ZBTB25: variants seen among roughly 807,000 people sequenced by gnomAD.
ZBTB25 encodes the protein zinc finger and BTB domain containing 25, also known as zinc finger and BTB domain-containing protein 25.
A neutral mutation model predicts 34.2 loss-of-function variants in ZBTB25; 20 were observed. The observed-to-expected ratio is 0.58, with a 90% CI of 0.41 to 0.85. The LOEUF (loss-of-function observed/expected upper bound fraction) is 0.85. Among genes scored for constraint, ZBTB25 ranks in the 40% least tolerant of loss-of-function variants. The pLI, the probability that ZBTB25 is intolerant of heterozygous loss-of-function variation, is 0.00. For missense variants in ZBTB25, 437 were observed against 521.8 expected (o/e 0.84, Z 1.58); for synonymous variants, 175 against 186.4 (o/e 0.94, Z 0.50).
Position 64,490,490 on chromosome 14 carries a change from T to G in ZBTB25, c.44A>C (p.Asn15Thr). Residue 15 changes from asparagine to threonine, a missense_variant, in exon 2 of 3, where the codon AAC becomes ACC. Physicochemically the swap from Asn to Thr is moderately conservative, Grantham distance 65. Coordinates refer to ENST00000608382, the MANE Select transcript of ZBTB25 (RefSeq NM_006977.5). ...CAGAAAACCAAATTCTCGCTGCATGTTCAGCTGCTGGAGAAGAACAAGGCT... is the reference window on the plus strand; with the variant it reads ...CAGAAAACCAAATTCTCGCTGCATGGTCAGCTGCTGGAGAAGAACAAGGCT... ...SHSLVLLQQL[N>T]MQREFGFLCD... The G allele has an allele frequency of 1.9e-6, 3 of 1,613,878 alleles. No individual in the cohort carries two copies. The highest frequency in any genetic ancestry group is 2.5e-6 in the Non-Finnish European group (3 of 1,179,824).
chr14:64,458,960 A>C (rs1379864753), intron 2 of ZBTB25, among the ~76,000 whole-genome samples: 1 of 152,252 alleles, frequency 6.6e-6, no homozygotes, highest in African/African-American at 2.4e-5. Context: ...AATATCAAAC[A>C]TGAAAATCCT....
In ZBTB25 at chr14:64,458,349, T is replaced by G. The variant is rs772835543; in HGVS notation, c.174-8711A>C. 4.0e-6 allele frequency: 5 copies of G among 1,242,608 alleles called. No individual in the cohort carries two copies. In the South Asian group the frequency reaches 6.0e-5, roughly 15 times the overall value. The allele number at this position is 1,242,608 out of a possible 1,614,324, so 77.0% of individuals were successfully genotyped here. On this transcript the variant is annotated intron_variant, in intron 2 of 2. Coordinates refer to the ZBTB25 transcript ENST00000555220. Reference sequence around the variant, plus strand: ...TAATAATTTGGCTTTTTTCCTCATGTAGCTTATTTATGAATTATAGGGCTC... The same window carrying G: ...TAATAATTTGGCTTTTTTCCTCATGGAGCTTATTTATGAATTATAGGGCTC...
At chr14:64,476,809 T>C (rs2141010056), downstream of ZBTB25, among the ~76,000 whole-genome samples, 1 of 152,366 alleles carries the variant, frequency 6.6e-6, no homozygotes, top group South Asian at 2.1e-4. Flanking sequence ...GTAATTGTCC[T>C]GATTTCAGGG....
At chr14:64,500,374 G>T (rs2079444291) in intron 1 of ZBTB25, among the ~76,000 whole-genome samples, 1 of 142,250 alleles carries the variant, frequency 7.0e-6, no homozygotes, top group Non-Finnish European at 1.5e-5. Context: ...ATGCATGACT[G>T]ATTTGTAACC....
At chr14:64,461,573 C>CTTTTTTTTTTTTTTTT (rs10690989) in intron 2 of ZBTB25, 1 of 94,998 alleles carries the variant, frequency 1.1e-5, no homozygotes, top group Non-Finnish European at 1.9e-5. Flanking sequence ...TTTTTTTTTC[C>CTTTTTTTTTTTTTTTT]TTTTTTTTTT....
chr14:64,488,917 A>G (rs1227653348), intron 2 of ZBTB25, among the ~76,000 whole-genome samples: 1 of 152,236 alleles, frequency 6.6e-6, no homozygotes, highest in Non-Finnish European at 1.5e-5. Flanking sequence ...ATATGTTTAT[A>G]GCCACAATAA....
upstream of ZBTB25, chr14:64,504,023 A>G (rs1414187268): frequency 2.7e-5 from 4 of 150,764 alleles, no homozygotes; most frequent in African/African-American, 9.7e-5. Context: ...CCCACAAACA[A>G]CCGCGTGACC....
Position 64,487,800 on chromosome 14 carries a change from C to T in ZBTB25, c.431G>A (p.Gly144Glu). The T allele has an allele frequency of 6.2e-7, 1 of 1,614,172 alleles. No homozygotes were observed. Among genetic ancestry groups the T allele is most frequent in the Non-Finnish European group, 8.5e-7 (1 of 1,180,036 alleles). Residue 144 changes from glycine to glutamate, a missense_variant, in exon 3 of 3, where the codon GGA (glycine) becomes GAA (glutamate). Gly to Glu is a moderately conservative substitution (Grantham distance 98, BLOSUM62 -2). Coordinates refer to ENST00000608382, the MANE Select transcript of ZBTB25 (RefSeq NM_006977.5). ...STTQKTVVKQ[G>E]LEVKEAPSSN... ...GGAAGGAGCTTCTTTGACCTCCAGT[C>T]CTTGTTTGACAACTGTTTTTTGGGT...
intron 1 of ZBTB25, chr14:64,502,646 TA>T (rs1233146857): frequency 1.7e-5 from 17 of 985,268 alleles, no homozygotes; most frequent in Non-Finnish European, 1.9e-5. Context: ...CAAGTATATA[TA>T]ATGACCTCCG....
intron 2 of ZBTB25, among the ~76,000 whole-genome samples, chr14:64,450,944 G>A (rs1275453983): frequency 2.6e-5 from 4 of 152,094 alleles, no homozygotes; most frequent in Non-Finnish European, 1.5e-5. Context: ...GAGGTGGGTG[G>A]ATCACCTAAG....
chr14:64,489,290 AT>A (rs1363084183), intron 2 of ZBTB25, among the ~76,000 whole-genome samples: 26 of 140,620 alleles, frequency 1.8e-4, no homozygotes, highest in Admixed American at 9.7e-4. Context: ...AAAATAAAAA[AT>A]AAAAAAAACA....
At chr14:64,504,138 G>A (rs2079593566), upstream of ZBTB25, 3 of 152,872 alleles carry the variant, frequency 2.0e-5, no homozygotes, top group South Asian at 6.2e-4. Flanking sequence ...GGGAAGGGAT[G>A]AGGGCGCGGG....
intron 2 of ZBTB25, among the ~76,000 whole-genome samples, 139 bp downstream of exon 2, chr14:64,490,208 CAAAAAAAAAAAAAA>C (rs61367816): frequency 2.0e-4 from 18 of 90,952 alleles, no homozygotes; most frequent in Admixed American, 6.0e-4. Flanking sequence ...ACTCTGTCGC[CAAAAAAAAAAAAAA>C]AAAAAAAAAA....
intron 2 of ZBTB25, among the ~76,000 whole-genome samples, chr14:64,489,277 AT>A (rs1390689157): frequency 3.5e-5 from 5 of 144,662 alleles, no homozygotes; most frequent in Non-Finnish European, 7.8e-5. Flanking sequence ...CTCAAAAAAA[AT>A]AAAAATAAAA....
chr14:64,498,783 A>G (rs964437179), intron 1 of ZBTB25, among the ~76,000 whole-genome samples: 9 of 151,764 alleles, frequency 5.9e-5, no homozygotes, highest in Admixed American at 2.6e-4. Context: ...ACAGGCGCCC[A>G]CCACCACACC....
rs960131507 is a variant in ZBTB25, at chr14:64,465,299, T to C, written c.174-15661A>G. Among the ~76,000 whole-genome samples the C allele has an allele frequency of 1.1e-4, 16 of 151,836 alleles. No individual in the cohort carries two copies. In the South Asian group the frequency reaches 2.9e-3, roughly 28 times the overall value. ...CGCTGATGTGGTCTGGCAGTGGAGA[T>C]TGGCGCCCGGGCGGAGCACGATGGG... On this transcript the variant is annotated intron_variant, in intron 2 of 2. Transcript: ENST00000555220.
In ZBTB25 at chr14:64,497,631, AC is replaced by A. The variant is rs201692692; in HGVS notation, c.-8+6029del. On this transcript the variant is annotated intron_variant, in intron 1 of 2. Coordinates refer to ENST00000608382, the MANE Select transcript of ZBTB25 (RefSeq NM_006977.5). The stretch of plus-strand genomic sequence containing the variant: ...TTAAGAGATTACAAAAACCTTCTTT[AC>A]CTTCTAGATTGTAGTAACTCTGGAT... Among the ~76,000 whole-genome samples the A allele has an allele frequency of 4.1e-3, 632 of 152,376 alleles. 3 individuals carry two copies. Among genetic ancestry groups the A allele is most frequent in the African/African-American group, 0.015 (607 of 41,590 alleles).
At chr14:64,504,938 T>C (rs1248876664), upstream of ZBTB25, 4 of 395,270 alleles carry the variant, frequency 1.0e-5, no homozygotes, top group African/African-American at 2.1e-5. Flanking sequence ...CTGGTTCCTG[T>C]TGCGGCCGGT....
chr14:64,469,601 G>A, intron 2 of ZBTB25: 1 of 1,613,062 alleles, frequency 6.2e-7, no homozygotes, highest in South Asian at 1.1e-5. Flanking sequence ...AGTCAAGAAT[G>A]CTATTCAGTT....
Sources: allele counts gnomAD v4.1 joint callset (sites outside exome capture counted in the v4.1 genomes callset), GRCh38; gene constraint gnomAD v4.1.1; transcripts MANE v1.5; gene names NCBI Gene and HGNC (gene_info 2026-07-23, HGNC 2026-07-21).